NF1: variants seen among roughly 807,000 people sequenced by gnomAD.
NF1 encodes neurofibromin 1, also known as neurofibromin.
NF1 carries 122 observed loss-of-function variants against 325.7 expected under a neutral mutation model. The ratio of observed to expected loss-of-function variants is 0.37; its 90% CI spans 0.32 to 0.44. The LOEUF (loss-of-function observed/expected upper bound fraction) is 0.44, where lower values mean the gene tolerates loss of function less well. Among genes scored for constraint, NF1 ranks in the 20% least tolerant of loss-of-function variants. The pLI is 1.00. For missense variants in NF1, 2,140 were observed against 3,415.4 expected (o/e 0.63, Z 9.31); for synonymous variants, 1,091 against 1,186.0 (o/e 0.92, Z 1.65).
At chr17:31,187,683 G>A (rs1439680361) in intron 8 of NF1, among the ~76,000 whole-genome samples, 2 of 152,102 alleles carry the variant, frequency 1.3e-5, no homozygotes, top group Admixed American at 6.6e-5. Context: ...TTCTCCCATA[G>A]CCAGGATTCC....
At chr17:31,312,485 C>T (rs1412739274) in intron 36 of NF1, among the ~76,000 whole-genome samples, 1 of 145,244 alleles carries the variant, frequency 6.9e-6, no homozygotes, top group Non-Finnish European at 1.5e-5. Flanking sequence ...TGCCGCTGCA[C>T]ACCAGCCTGG....
At chr17:31,363,436 CTTT>C (rs5819928) in intron 57 of NF1, among the ~76,000 whole-genome samples, 1 of 112,450 alleles carries the variant, frequency 8.9e-6, no homozygotes, top group Non-Finnish European at 1.9e-5. Context: ...TTATCTCTCT[CTTT>C]TTTTTTTTTT....
chr17:31,292,583 C>G (rs2068364348), intron 36 of NF1, among the ~76,000 whole-genome samples: 1 of 152,124 alleles, frequency 6.6e-6, no homozygotes, highest in Non-Finnish European at 1.5e-5. Flanking sequence ...TGCTTTCAAT[C>G]TATGTATAAG....
intron 47 of NF1, among the ~76,000 whole-genome samples, chr17:31,342,483 A>G (rs1244247112): frequency 2.0e-5 from 3 of 152,070 alleles, no homozygotes; most frequent in African/African-American, 7.2e-5. Context: ...AACTCCAGCG[A>G]CCTGGGAGGC....
intron 57 of NF1, among the ~76,000 whole-genome samples, chr17:31,370,704 C>T (rs183429462): frequency 6.6e-5 from 10 of 152,242 alleles, no homozygotes; most frequent in Non-Finnish European, 1.5e-4. Context: ...CTGTTTTCCC[C>T]TCAGAGTAGG....
intron 1 of NF1, among the ~76,000 whole-genome samples, chr17:31,113,106 C>A (rs79950277): frequency 1.3e-5 from 2 of 152,090 alleles, no homozygotes; most frequent in African/African-American, 4.8e-5. Flanking sequence ...TTGTCAATTT[C>A]TATTAAAAAG....
rs557769168 is a variant in NF1 at position 31,357,157 on chromosome 17, C to T, written c.7869+67C>T. On this transcript the variant is annotated intron_variant, in intron 53 of 57. Transcript: ENST00000358273. ...TATTCCAGTCTACTTTTAGGAGGCCCTTAAATATTAAAAACATGAATAGGA... is the reference window on the plus strand; with the variant it reads ...TATTCCAGTCTACTTTTAGGAGGCCTTTAAATATTAAAAACATGAATAGGA... 2.7e-5 allele frequency: 43 copies of T among 1,603,890 alleles called. No homozygotes were observed. In the Admixed American group the frequency reaches 7.2e-4, roughly 27 times the overall value.
At position 31,226,443 on chromosome 17, in the gene NF1, A is replaced by G. The variant is rs786202440; in HGVS notation, c.2010A>G (p.Ala670=). The G allele has an allele frequency of 1.2e-6, 2 of 1,613,562 alleles. No individual in the cohort carries two copies. Among genetic ancestry groups the G allele is most frequent in the Non-Finnish European group, 1.7e-6 (2 of 1,179,746 alleles). ...CCACCCTTGACTCTCAGGATAGTGCAGCAGGATGCAGCGGAACCCCCCCGA... is the reference window on the plus strand; with the variant it reads ...CCACCCTTGACTCTCAGGATAGTGCGGCAGGATGCAGCGGAACCCCCCCGA... The part of the protein sequence containing the change: ...KGKGNSSMDS[A]AGCSGTPPIC... Residue 670 remains alanine (A), a synonymous_variant, in exon 18 of 58, where the codon GCA becomes GCG. Coordinates refer to ENST00000358273, the MANE Select transcript of NF1 (RefSeq NM_001042492.3).
At position 31,244,732 on chromosome 17, in the gene NF1, C is replaced by T. The variant is rs148786519; in HGVS notation, c.3975-4252C>T. 4.5e-4 allele frequency among the ~76,000 whole-genome samples: 68 copies of T among 152,236 alleles called. 1 individual carries two copies. Among genetic ancestry groups the T allele is most frequent in the Admixed American group, 9.8e-4 (15 of 15,294 alleles). ...GTAAGTCAAGACAGTTTTTCCTACC[C>T]GCTTCAGTGCCTCTTCCTTAATATG... is the stretch of plus-strand genomic sequence containing the variant. On this transcript the variant is annotated intron_variant, in intron 29 of 57. Coordinates refer to ENST00000358273, the MANE Select transcript of NF1 (RefSeq NM_001042492.3).
At chr17:31,358,901 T>C (rs2151585750) in intron 55 of NF1, 68 bp from the exon 56 acceptor site, 1 of 1,372,806 alleles carries the variant, frequency 7.3e-7, no homozygotes, top group South Asian at 1.2e-5. Flanking sequence ...GCTATATGAC[T>C]TATTTAATTT....
chr17:31,241,379 A>G (rs1393185103), intron 29 of NF1, among the ~76,000 whole-genome samples: 1 of 152,010 alleles, frequency 6.6e-6, no homozygotes, highest in African/African-American at 2.4e-5. Context: ...TACTCCTGCT[A>G]TTTTGTTATT....
At chr17:31,363,761 G>T (rs1348365269) in intron 57 of NF1, among the ~76,000 whole-genome samples, 2 of 137,786 alleles carry the variant, frequency 1.5e-5, no homozygotes, top group Admixed American at 1.5e-4. Flanking sequence ...CCCCTTTGGA[G>T]ACAGTGTCTC....
chr17:31,274,976 G>A (rs1003621780), intron 36 of NF1, among the ~76,000 whole-genome samples: 1 of 151,964 alleles, frequency 6.6e-6, no homozygotes, highest in African/African-American at 2.4e-5. Flanking sequence ...CTAGCCAAAT[G>A]TTTCTCCAAC....
At chr17:31,119,095 C>T (rs887701979) in intron 1 of NF1, among the ~76,000 whole-genome samples, 9 of 152,102 alleles carry the variant, frequency 5.9e-5, no homozygotes, top group Non-Finnish European at 4.4e-5. Context: ...GTGTGTGCCA[C>T]CACACCCAGC....
At position 31,327,672 on chromosome 17, in the gene NF1, C is replaced by T. The variant is rs991848606; in HGVS notation, c.5442C>T (p.His1814=). ...AGGGCACGCCGCTCACCTTCATGCACCAGGAGTGTGAAGCCATTGTCCAGT... is the reference window on the plus strand; with the variant it reads ...AGGGCACGCCGCTCACCTTCATGCATCAGGAGTGTGAAGCCATTGTCCAGT... ...ANQGTPLTFM[H]QECEAIVQSI... The change falls in exon 38 of 58, where the codon CAC becomes CAT. Residue 1814 remains histidine (H), a synonymous_variant. Transcript: ENST00000358273. 4 of 1,614,152 alleles carry T rather than the reference C, an allele frequency of 2.5e-6. No individual in the cohort carries two copies. The highest frequency in any genetic ancestry group is 3.4e-6 in the Non-Finnish European group (4 of 1,180,028).
At position 31,244,322 on chromosome 17, in the gene NF1, G is replaced by T. The variant is rs547434845; in HGVS notation, c.3975-4662G>T. On this transcript the variant is annotated intron_variant, in intron 29 of 57. Coordinates refer to ENST00000358273, the MANE Select transcript of NF1 (RefSeq NM_001042492.3). ...TGTAAGCATTCCCTTGGTTGCCCTG[G>T]CTGTCTCACTAGGTCCACCCCAAGT... 1.8e-4 allele frequency among the ~76,000 whole-genome samples: 27 copies of T among 152,258 alleles called. No individual in the cohort carries two copies. In the South Asian group the frequency reaches 5.4e-3, roughly 30 times the overall value.
intron 12 of NF1, among the ~76,000 whole-genome samples, chr17:31,212,086 G>A (rs2066738088): frequency 6.6e-6 from 1 of 151,996 alleles, no homozygotes; most frequent in Non-Finnish European, 1.5e-5. Context: ...TGTATAGCTA[G>A]CTGTATAAAA....
At chr17:31,304,330 G>A (rs1408775184) in intron 36 of NF1, 1 of 1,614,104 alleles carries the variant, frequency 6.2e-7, no homozygotes. Flanking sequence ...GGGAGGAATA[G>A]AGAACTCCTG....
chr17:31,273,892 T>C (rs1282198175), intron 36 of NF1, among the ~76,000 whole-genome samples: 1 of 152,222 alleles, frequency 6.6e-6, no homozygotes, highest in Non-Finnish European at 1.5e-5. Flanking sequence ...CTTCACTGGA[T>C]TGACTCTAAC....
Sources: gnomAD v4.1 joint callset for allele counts (sites outside exome capture counted in the v4.1 genomes callset) on GRCh38, gnomAD v4.1.1 for gene constraint, MANE v1.5 for transcripts, NCBI Gene and HGNC (gene_info 2026-07-23, HGNC 2026-07-21) for gene names.